MYRIP: variants seen among roughly 807,000 people sequenced by gnomAD.
The protein encoded by MYRIP is rab effector MyRIP.
A neutral mutation model predicts 98.0 loss-of-function variants in MYRIP; 49 were observed. The observed-to-expected ratio is 0.50, with a 90% CI of 0.40 to 0.63. MYRIP has a LOEUF of 0.63. MYRIP is among the 30% of genes least tolerant of loss of function. The probability of loss-of-function intolerance (pLI) is 0.00; values close to 1 mark genes in which losing one functional copy is unlikely to be tolerated. For synonymous variants in MYRIP, 404 were observed against 409.5 expected (o/e 0.99, Z 0.16); for missense variants, 1,004 against 1,058.2 (o/e 0.95, Z 0.71).
rs192220845 is a variant in MYRIP, at chr3:39,951,918, G to T, written c.110+50992G>T. On this transcript the variant is annotated intron_variant, in intron 2 of 16. Transcript: ENST00000302541. ...CGCTTTATGATGGTATAATGTACAT[G>T]CCATAGATTTAACCTATTTTAACTG... Among the ~76,000 whole-genome samples, 9 of 152,250 alleles carry T rather than the reference G, an allele frequency of 5.9e-5. No homozygotes were observed. In the East Asian group the frequency reaches 9.6e-4, roughly 16 times the overall value.
intron 2 of MYRIP, among the ~76,000 whole-genome samples, chr3:39,956,262 G>A (rs1398022962): frequency 1.2e-4 from 18 of 152,004 alleles, no homozygotes; most frequent in Admixed American, 1.2e-3. Context: ...TTCCAAAATC[G>A]ACCACATAGT....
chr3:40,110,379 G>A (rs1007845128), intron 3 of MYRIP, among the ~76,000 whole-genome samples: 1 of 152,248 alleles, frequency 6.6e-6, no homozygotes, highest in Non-Finnish European at 1.5e-5. Flanking sequence ...TTTGAAGCAA[G>A]TCTAGTTTAG....
chr3:39,840,695 G>A (rs1474088080), intron 1 of MYRIP, among the ~76,000 whole-genome samples: 1 of 152,172 alleles, frequency 6.6e-6, no homozygotes, highest in Non-Finnish European at 1.5e-5. Flanking sequence ...TGTCTGTAAA[G>A]GATTTTATTT....
intron 2 of MYRIP, among the ~76,000 whole-genome samples, chr3:39,972,875 G>A (rs1408133725): frequency 6.6e-6 from 1 of 151,680 alleles, no homozygotes; most frequent in African/African-American, 2.4e-5. Flanking sequence ...TGCCCTGCAA[G>A]TCTTGATTTT....
chr3:40,203,693 ATATTTT>A (rs1224143132), intron 10 of MYRIP, among the ~76,000 whole-genome samples: 1 of 127,252 alleles, frequency 7.9e-6, no homozygotes, highest in African/African-American at 3.0e-5. Context: ...ATATATATTT[ATATTTT>A]TATATTTTAT....
chr3:39,993,305 C>G (rs1446979972), intron 2 of MYRIP, among the ~76,000 whole-genome samples: 2 of 152,208 alleles, frequency 1.3e-5, no homozygotes, highest in Non-Finnish European at 2.9e-5. Flanking sequence ...ACTCTTAATA[C>G]AGTTACAATG....
intron 2 of MYRIP, among the ~76,000 whole-genome samples, chr3:40,025,570 G>C (rs1458833309): frequency 6.6e-6 from 1 of 152,162 alleles, no homozygotes; most frequent in Non-Finnish European, 1.5e-5. Flanking sequence ...AGTATTCCAT[G>C]AGGTATTGGG....
chr3:39,809,603 G>A (rs1940591874), upstream of MYRIP: 1 of 151,578 alleles, frequency 6.6e-6, no homozygotes, highest in Non-Finnish European at 1.5e-5. Flanking sequence ...GGCGGTGGCT[G>A]CGGCCAGGCT....
intron 3 of MYRIP, among the ~76,000 whole-genome samples, chr3:40,062,663 C>T (rs996734425): frequency 3.7e-4 from 56 of 152,174 alleles, no homozygotes; most frequent in African/African-American, 1.2e-3. Context: ...TACATTTTAA[C>T]GTTTCTGAAA....
intron 8 of MYRIP, among the ~76,000 whole-genome samples, chr3:40,177,729 T>C (rs1156415945): frequency 6.6e-6 from 1 of 152,164 alleles, no homozygotes; most frequent in East Asian, 1.9e-4. Context: ...TCATGCCTCT[T>C]TGGGTGCATG....
Position 39,934,104 on chromosome 3 carries a change from A to C in MYRIP, c.110+33178A>C, listed in dbSNP as rs571923556. On this transcript the variant is annotated intron_variant, in intron 2 of 16. Coordinates refer to ENST00000302541, the MANE Select transcript of MYRIP (RefSeq NM_015460.4). Reference sequence around the variant, plus strand: ...TGTCTGAGAACACCTGGATTATACTATCCTATCATGCACTGGATAATGTTG... The same window carrying C: ...TGTCTGAGAACACCTGGATTATACTCTCCTATCATGCACTGGATAATGTTG... Among the ~76,000 whole-genome samples, 12 of 152,284 alleles carry C rather than the reference A, an allele frequency of 7.9e-5. No homozygotes were observed. In the South Asian group the frequency reaches 2.5e-3, roughly 32 times the overall value.
intron 3 of MYRIP, among the ~76,000 whole-genome samples, chr3:40,105,148 C>T (rs145821298): frequency 1.3e-5 from 2 of 152,306 alleles, no homozygotes; most frequent in African/African-American, 4.8e-5. Flanking sequence ...TCCACCTCAT[C>T]CTGCCTCCCT....
intron 2 of MYRIP, among the ~76,000 whole-genome samples, chr3:39,954,798 A>T (rs1945113557): frequency 6.6e-6 from 1 of 152,200 alleles, no homozygotes; most frequent in Admixed American, 6.5e-5. Context: ...CAAATGGCTA[A>T]CTAGAATACA....
chr3:40,118,190 T>TTAGCAA (rs1156243384), intron 3 of MYRIP, among the ~76,000 whole-genome samples: 1 of 151,652 alleles, frequency 6.6e-6, no homozygotes, highest in Non-Finnish European at 1.5e-5. Flanking sequence ...ACCAATTGGA[T>TTAGCAA]TAGCAAAGGT....
intron 3 of MYRIP, among the ~76,000 whole-genome samples, chr3:40,119,017 A>G (rs1051110137): frequency 6.6e-6 from 1 of 151,992 alleles, no homozygotes. Context: ...CTTTGCTATT[A>G]TGAATAATGC....
At chr3:39,945,319 A>G (rs539789954) in intron 2 of MYRIP, among the ~76,000 whole-genome samples, 1 of 147,248 alleles carries the variant, frequency 6.8e-6, no homozygotes, top group South Asian at 2.2e-4. Flanking sequence ...CAAAAAAAAA[A>G]AAAAAAAAAA....
intron 1 of MYRIP, among the ~76,000 whole-genome samples, chr3:39,880,929 TCTC>T (rs1342327096): frequency 6.6e-6 from 1 of 152,162 alleles, no homozygotes; most frequent in Non-Finnish European, 1.5e-5. Context: ...AATTTATTCT[TCTC>T]AATCCTCTCT....
chr3:40,227,519 T>G (rs1282019727), intron 11 of MYRIP, among the ~76,000 whole-genome samples: 2 of 152,280 alleles, frequency 1.3e-5, no homozygotes, highest in African/African-American at 4.8e-5. Flanking sequence ...CTTTATGAAA[T>G]TGTAGTGGCA....
chr3:40,229,183 C>A (rs576023067), intron 11 of MYRIP, among the ~76,000 whole-genome samples: 16 of 152,302 alleles, frequency 1.1e-4, no homozygotes, highest in African/African-American at 3.4e-4. Context: ...ACCTTGCATT[C>A]TCCATGTCTT....
Sources: gnomAD v4.1 joint callset for allele counts (sites outside exome capture counted in the v4.1 genomes callset) on GRCh38, gnomAD v4.1.1 for gene constraint, MANE v1.5 for transcripts, NCBI Gene and HGNC (gene_info 2026-07-23, HGNC 2026-07-21) for gene names.